Variants in GABRG3 observed in about 807,000 individuals in gnomAD.
The protein encoded by GABRG3 is gamma-aminobutyric acid type A receptor subunit gamma3.
A neutral mutation model predicts 48.8 loss-of-function variants in GABRG3; 25 were observed. That is an observed-to-expected ratio of 0.51 (90% CI 0.37 to 0.72). The LOEUF is 0.72. Ranked by LOEUF, GABRG3 falls within the 30% of genes least tolerant of loss-of-function variation. The pLI, the probability that GABRG3 is intolerant of heterozygous loss-of-function variation, is 0.00. For synonymous variants in GABRG3, 227 were observed against 217.6 expected, an observed-to-expected ratio of 1.04 and a Z score of -0.38; for missense variants, 394 against 577.9, an observed-to-expected ratio of 0.68 and a Z score of 3.26.
At chr15:27,375,388 T>G (rs1302870719) in intron 5 of GABRG3, among the ~76,000 whole-genome samples, 1 of 152,152 alleles carries the variant, frequency 6.6e-6, no homozygotes, top group Non-Finnish European at 1.5e-5. Context: ...TCTTCTTCAG[T>G]TCAATATGTC....
At chr15:27,502,411 G>C (rs1196854073) in intron 6 of GABRG3, among the ~76,000 whole-genome samples, 1 of 152,144 alleles carries the variant, frequency 6.6e-6, no homozygotes, top group Non-Finnish European at 1.5e-5. Context: ...CACACTCAAA[G>C]TGCTTTATCC....
chr15:27,237,669 A>C (rs907422120), intron 3 of GABRG3, among the ~76,000 whole-genome samples: 5 of 152,346 alleles, frequency 3.3e-5, no homozygotes, highest in Admixed American at 6.5e-5. Flanking sequence ...TTCAAAAGAG[A>C]AGCAACAGTG....
intron 5 of GABRG3, among the ~76,000 whole-genome samples, chr15:27,455,487 T>C (rs1041596184): frequency 8.6e-5 from 13 of 151,478 alleles, no homozygotes; most frequent in African/African-American, 3.2e-4. Context: ...GTGTGTGATA[T>C]GTGTGCTGTG....
intron 3 of GABRG3, among the ~76,000 whole-genome samples, chr15:27,265,388 C>G (rs547790707): frequency 2.6e-5 from 4 of 152,148 alleles, no homozygotes; most frequent in Non-Finnish European, 5.9e-5. Flanking sequence ...CAAAAAACAC[C>G]CGTCTATGCA....
intron 3 of GABRG3, among the ~76,000 whole-genome samples, chr15:27,307,206 CATGTTTATATATAACCATGTTTATATTAT>C (rs1332226577): frequency 2.6e-4 from 35 of 134,516 alleles, no homozygotes; most frequent in East Asian, 2.0e-3. Context: ...ATAATACAAA[CATGTTTATATATAACCATGTTTATATTAT>C]ATGTTTATAT....
chr15:27,173,956 C>G (rs954739494), intron 3 of GABRG3, among the ~76,000 whole-genome samples: 4 of 152,124 alleles, frequency 2.6e-5, no homozygotes, highest in Non-Finnish European at 5.9e-5. Context: ...CTCTGTTTAC[C>G]TATCATCTGA....
intron 5 of GABRG3, among the ~76,000 whole-genome samples, chr15:27,423,890 G>T (rs534497316): frequency 6.6e-6 from 1 of 152,018 alleles, no homozygotes; most frequent in Admixed American, 6.6e-5. Flanking sequence ...TTGCAAAATA[G>T]GATTGATGAT....
intron 7 of GABRG3, among the ~76,000 whole-genome samples, chr15:27,523,634 G>GA (rs1047508037): frequency 1.3e-5 from 2 of 151,536 alleles, no homozygotes; most frequent in Admixed American, 6.6e-5. Flanking sequence ...TCAACTAAAT[G>GA]AAAAAATAGA....
chr15:27,190,861 T>G (rs867755668), intron 3 of GABRG3, among the ~76,000 whole-genome samples: 1 of 152,178 alleles, frequency 6.6e-6, no homozygotes. Flanking sequence ...CTCGTGGGCA[T>G]TTAGTGCTGT....
chr15:27,283,186 G>A (rs1415912997), intron 3 of GABRG3, among the ~76,000 whole-genome samples: 1 of 152,190 alleles, frequency 6.6e-6, no homozygotes, highest in African/African-American at 2.4e-5. Context: ...TTCCCACTTG[G>A]TCTCTGCCAG....
chr15:27,145,211 A>T (rs1355373350), intron 3 of GABRG3, among the ~76,000 whole-genome samples: 3 of 152,178 alleles, frequency 2.0e-5, no homozygotes, highest in Non-Finnish European at 4.4e-5. Context: ...GAGGAAGTTC[A>T]GTCATTGGAC....
intron 6 of GABRG3, among the ~76,000 whole-genome samples, chr15:27,518,611 A>G (rs73371534): frequency 0.076 from 11,493 of 152,190 alleles, 1,468 homozygotes; most frequent in African/African-American, 0.26. Context: ...AGTGAATAGG[A>G]ACTATCTAGA....
intron 3 of GABRG3, among the ~76,000 whole-genome samples, chr15:27,295,529 C>A (rs140725487): frequency 5.3e-5 from 8 of 152,152 alleles, no homozygotes; most frequent in African/African-American, 1.9e-4. Context: ...GCTGTGAAAA[C>A]TTTTGGAACA....
chr15:27,429,058 C>A (rs1888374157), intron 5 of GABRG3, among the ~76,000 whole-genome samples: 1 of 152,078 alleles, frequency 6.6e-6, no homozygotes, highest in South Asian at 2.1e-4. Context: ...TCAAATAGAT[C>A]TTTGCAATCT....
chr15:27,372,419 G>T (rs1459288984), intron 5 of GABRG3, among the ~76,000 whole-genome samples: 1 of 151,944 alleles, frequency 6.6e-6, no homozygotes, highest in Non-Finnish European at 1.5e-5. Context: ...TAGAAACAGG[G>T]TCTCGCTCAG....
chr15:27,422,860 G>C (rs530875760), intron 5 of GABRG3, among the ~76,000 whole-genome samples: 31 of 152,254 alleles, frequency 2.0e-4, no homozygotes, highest in Admixed American at 1.8e-3. Context: ...TTATACTCAC[G>C]ACTAAGGTTT....
intron 3 of GABRG3, among the ~76,000 whole-genome samples, chr15:27,183,252 A>G (rs536082619): frequency 1.6e-4 from 24 of 152,304 alleles, no homozygotes; most frequent in South Asian, 1.0e-3. Flanking sequence ...TAAAAAAGCT[A>G]TCTTACTCTC....
intron 2 of GABRG3, among the ~76,000 whole-genome samples, chr15:26,999,353 A>G (rs78080379): frequency 0.067 from 10,172 of 152,146 alleles, 384 homozygotes; most frequent in East Asian, 0.18. Flanking sequence ...ATATAGACAG[A>G]ATATAGGGGT....
chr15:26,976,671 G>C lies in GABRG3; in HGVS notation c.54-331G>C, dbSNP rs942834535. Among the ~76,000 whole-genome samples, 1 of 152,258 alleles carries C rather than the reference G, an allele frequency of 6.6e-6. No individual in the cohort carries two copies. Among genetic ancestry groups the C allele is most frequent in the South Asian group, 2.1e-4 (1 of 4,818 alleles). On this transcript the variant is annotated intron_variant, in intron 1 of 9. Coordinates refer to ENST00000615808, the MANE Select transcript of GABRG3 (RefSeq NM_033223.5). The surrounding 1 kb of genome is among the most constrained non-coding windows in gnomAD (Gnocchi z 7.8). ...TGTGCCTTGACCTTCACAGGCTATC[G>C]GGGTGGATCCAAGGGTGTGTTGCCT...
Sources: allele counts gnomAD v4.1 joint callset (sites outside exome capture counted in the v4.1 genomes callset), GRCh38; gene constraint gnomAD v4.1.1; non-coding constraint Gnocchi (gnomAD v3.1); transcripts MANE v1.5; gene names NCBI Gene and HGNC (gene_info 2026-07-23, HGNC 2026-07-21).